The following SLIT3 variants were observed in gnomAD, a reference collection of about 807,000 sequenced individuals.
The protein encoded by SLIT3 is slit homolog 3 protein.
Under a neutral mutation model 184.0 loss-of-function variants are expected in SLIT3, and 68 were observed. The observed-to-expected ratio is 0.37, with a 90% CI of 0.30 to 0.45. The LOEUF (loss-of-function observed/expected upper bound fraction) is 0.45. SLIT3 is among the 20% of genes least tolerant of loss of function. The probability of loss-of-function intolerance (pLI) is 1.00; values close to 1 mark genes in which losing one functional copy is unlikely to be tolerated. For synonymous variants in SLIT3, 831 were observed against 828.6 expected, an observed-to-expected ratio of 1.00 and a Z score of -0.05; for missense variants, 1,707 against 2,026.0, an observed-to-expected ratio of 0.84 and a Z score of 3.02.
intron 2 of SLIT3, 93 bp downstream of exon 2, chr5:169,251,295 C>T (rs1033830173): frequency 3.5e-6 from 3 of 853,296 alleles, no homozygotes; most frequent in Non-Finnish European, 4.1e-6. Flanking sequence ...TTGTCCAGGG[C>T]TTGGGAGTGT....
At chr5:169,114,743 G>C (rs1288532573) in intron 4 of SLIT3, among the ~76,000 whole-genome samples, 3 of 152,226 alleles carry the variant, frequency 2.0e-5, no homozygotes, top group African/African-American at 7.2e-5. Flanking sequence ...TCTTAGGGCT[G>C]GAGGCCTGCT....
Position 168,741,009 on chromosome 5 carries a change from G to A in SLIT3, c.2270+7293C>T, listed in dbSNP as rs746758838. Among the ~76,000 whole-genome samples, 42 of 152,148 alleles carry A rather than the reference G, an allele frequency of 2.8e-4. 2 individuals carry two copies. The highest frequency in any genetic ancestry group is 2.3e-3 in the Admixed American group (35 of 15,280). ...AGGGCAGGAAGCTCACTGCACGTGG[G>A]GGCATTTTTGTACACAGAACTTCCA... On this transcript the variant is annotated intron_variant, in intron 20 of 35. Transcript: ENST00000519560.
chr5:168,687,473 C>T (rs1179112283), intron 29 of SLIT3, among the ~76,000 whole-genome samples: 1 of 152,172 alleles, frequency 6.6e-6, no homozygotes, highest in Non-Finnish European at 1.5e-5. Flanking sequence ...TGAGGCCTCT[C>T]AGGACCCTGT....
At chr5:169,029,158 C>T (rs964144583) in intron 4 of SLIT3, among the ~76,000 whole-genome samples, 6 of 152,172 alleles carry the variant, frequency 3.9e-5, no homozygotes, top group African/African-American at 1.2e-4. Context: ...ATAAGCTATC[C>T]GTAAGCTTCA....
chr5:169,101,105 C>G (rs1048546524), intron 4 of SLIT3, among the ~76,000 whole-genome samples: 2 of 152,152 alleles, frequency 1.3e-5, no homozygotes, highest in South Asian at 2.1e-4. Context: ...CCATGGGAGG[C>G]TGAAGTTAGT....
chr5:168,674,489 C>CTTT (rs141548947), intron 32 of SLIT3, among the ~76,000 whole-genome samples: 4,607 of 119,828 alleles, frequency 0.038, 288 homozygotes, highest in Admixed American at 0.14. Flanking sequence ...GGGATATTCA[C>CTTT]TTTTTTTTTT....
intron 2 of SLIT3, among the ~76,000 whole-genome samples, chr5:169,246,596 C>T (rs1396367978): frequency 4.6e-5 from 7 of 152,308 alleles, no homozygotes; most frequent in East Asian, 1.9e-4. Context: ...AGTAAATCAT[C>T]TAGCCCAGGT....
chr5:168,745,034 A>C (rs1345123288), intron 20 of SLIT3, among the ~76,000 whole-genome samples: 1 of 152,246 alleles, frequency 6.6e-6, no homozygotes, highest in Admixed American at 6.5e-5. Flanking sequence ...TCTAGATGCC[A>C]TTTGAACATT....
At chr5:168,844,463 A>T in intron 6 of SLIT3, 121 bp downstream of exon 6, 1 of 865,820 alleles carries the variant, frequency 1.2e-6, no homozygotes, top group Non-Finnish European at 1.8e-6. Context: ...AGCAGAGACC[A>T]GAAATGCATT....
At chr5:169,181,997 A>G (rs1400986005) in intron 4 of SLIT3, among the ~76,000 whole-genome samples, 1 of 152,170 alleles carries the variant, frequency 6.6e-6, no homozygotes, top group Non-Finnish European at 1.5e-5. Flanking sequence ...TTGACTAAAA[A>G]TTCAAGTCCA....
intron 4 of SLIT3, among the ~76,000 whole-genome samples, chr5:169,074,779 G>A (rs1758677075): frequency 6.6e-6 from 1 of 152,126 alleles, no homozygotes; most frequent in Non-Finnish European, 1.5e-5. Context: ...AACTGTGGCC[G>A]TGGCCTTGTT....
intron 6 of SLIT3, among the ~76,000 whole-genome samples, chr5:168,836,439 GC>G (rs1483891612): frequency 1.3e-5 from 2 of 152,216 alleles, no homozygotes; most frequent in African/African-American, 4.8e-5. Context: ...CAGCACAGAA[GC>G]CCGGTCTTAG....
chr5:169,231,531 G>GT (rs751591031), intron 3 of SLIT3, among the ~76,000 whole-genome samples: 96 of 152,030 alleles, frequency 6.3e-4, no homozygotes, highest in Middle Eastern at 3.4e-3. Context: ...ACAGACAGCA[G>GT]TTTTTTTTGC....
chr5:169,235,210 C>G (rs1260539636), intron 3 of SLIT3, among the ~76,000 whole-genome samples: 2 of 152,122 alleles, frequency 1.3e-5, no homozygotes, highest in African/African-American at 4.8e-5. Flanking sequence ...CCCTTTATCT[C>G]TATATTAATT....
intron 6 of SLIT3, among the ~76,000 whole-genome samples, chr5:168,835,685 C>T (rs1758028366): frequency 6.6e-6 from 1 of 151,906 alleles, no homozygotes; most frequent in Non-Finnish European, 1.5e-5. Context: ...GTGGCTGGCA[C>T]CTGTAATCCC....
At chr5:169,217,895 G>C (rs946132070) in intron 3 of SLIT3, among the ~76,000 whole-genome samples, 6 of 152,216 alleles carry the variant, frequency 3.9e-5, no homozygotes, top group South Asian at 4.1e-4. Context: ...GGCAGCTGCT[G>C]TTTCCCGGCT....
chr5:169,075,832 C>A (rs1473787683), intron 4 of SLIT3, among the ~76,000 whole-genome samples: 1 of 152,174 alleles, frequency 6.6e-6, no homozygotes, highest in Non-Finnish European at 1.5e-5. Context: ...AAAGGCAGAC[C>A]TTCTGTCTAT....
At chr5:168,858,390 G>T (rs1174572992) in intron 5 of SLIT3, among the ~76,000 whole-genome samples, 1 of 152,220 alleles carries the variant, frequency 6.6e-6, no homozygotes, top group Non-Finnish European at 1.5e-5. Flanking sequence ...GCCCTTTCTG[G>T]CAAGTTCATT....
chr5:168,912,425 A>G (rs1052617089), intron 4 of SLIT3, among the ~76,000 whole-genome samples: 10 of 152,296 alleles, frequency 6.6e-5, no homozygotes, highest in African/African-American at 2.2e-4. Flanking sequence ...TCAAATGTAT[A>G]TAGCATGCAC....
Sources: gnomAD v4.1 joint callset for allele counts (sites outside exome capture counted in the v4.1 genomes callset) on GRCh38, gnomAD v4.1.1 for gene constraint, MANE v1.5 for transcripts, NCBI Gene and HGNC (gene_info 2026-07-23, HGNC 2026-07-21) for gene names.